Variants in TRIP12 observed in about 807,000 individuals in gnomAD.
TRIP12 encodes thyroid hormone receptor interactor 12.
In TRIP12, 25 loss-of-function variants were observed where a neutral mutation model predicts 244.2. The observed-to-expected ratio is 0.10, with a 90% CI of 0.07 to 0.14. The LOEUF is 0.14. Among genes scored for constraint, TRIP12 ranks in the 10% least tolerant of loss-of-function variants. The probability of loss-of-function intolerance (pLI) is 1.00; values close to 1 mark genes in which losing one functional copy is unlikely to be tolerated. For synonymous variants in TRIP12, 905 were observed against 873.1 expected, an observed-to-expected ratio of 1.04 and a Z score of -0.64; for missense variants, 1,677 against 2,486.4, an observed-to-expected ratio of 0.67 and a Z score of 6.92.
intron 33 of TRIP12, among the ~76,000 whole-genome samples, chr2:229,786,549 C>T (rs2040080613): frequency 6.7e-6 from 1 of 149,748 alleles, no homozygotes; most frequent in Non-Finnish European, 1.5e-5. Flanking sequence ...AGGCATGCGC[C>T]ACCACGCCCA....
intron 28 of TRIP12, 39 bp from the exon 29 acceptor site, chr2:229,792,104 C>T: frequency 6.2e-7 from 1 of 1,613,882 alleles, no homozygotes; most frequent in Admixed American, 1.7e-5. Flanking sequence ...AGCCAAAGGC[C>T]CTGAACTTTA....
intron 1 of TRIP12, among the ~76,000 whole-genome samples, chr2:229,894,714 T>C (rs1429944030): frequency 6.6e-6 from 1 of 152,236 alleles, no homozygotes; most frequent in African/African-American, 2.4e-5. Flanking sequence ...CAAGAAACTT[T>C]AAGCCAAGGA....
chr2:229,793,262 C>G (rs1405161293), intron 26 of TRIP12, 117 bp from the exon 27 acceptor site: 3 of 987,980 alleles, frequency 3.0e-6, no homozygotes, highest in Middle Eastern at 6.7e-4. Flanking sequence ...TAGTACTAAG[C>G]ATTTACTTAC....
intron 34 of TRIP12, among the ~76,000 whole-genome samples, chr2:229,779,359 C>T (rs373055372): frequency 4.6e-5 from 7 of 152,196 alleles, no homozygotes; most frequent in East Asian, 3.9e-4. Context: ...TCAAATGTCA[C>T]CCTCTCAAGG....
chr2:229,797,865 A>C, intron 23 of TRIP12, 34 bp from the exon 24 acceptor site: 1 of 1,603,430 alleles, frequency 6.2e-7, no homozygotes, highest in South Asian at 1.1e-5. Flanking sequence ...TTAAAGTCCC[A>C]GTGTATGTAG....
chr2:229,810,848 T>C (rs764421488), intron 15 of TRIP12, 32 bp downstream of exon 15: 1 of 1,602,710 alleles, frequency 6.2e-7, no homozygotes, highest in Non-Finnish European at 8.5e-7. Context: ...CAACTTTTCC[T>C]GCTTAAAGTA....
intron 39 of TRIP12, among the ~76,000 whole-genome samples, chr2:229,770,777 A>C (rs911173433): frequency 6.6e-6 from 1 of 152,154 alleles, no homozygotes; most frequent in African/African-American, 2.4e-5. Flanking sequence ...GGCTATTCTC[A>C]TAATAGTGAA....
intron 6 of TRIP12, among the ~76,000 whole-genome samples, chr2:229,831,824 T>C (rs867012959): frequency 6.6e-6 from 1 of 151,400 alleles, no homozygotes; most frequent in African/African-American, 2.4e-5. Flanking sequence ...CCTGCAAAAC[T>C]AGCAGTTAAT....
chr2:229,768,854 C>CTTAAA lies in TRIP12; in HGVS notation c.5904-140_5904-136dup, dbSNP rs1228982478. The CTTAAA allele has an allele frequency of 1.4e-5, 10 of 728,010 alleles. No homozygotes were observed. In the South Asian group the frequency reaches 2.1e-4, roughly 15 times the overall value. The allele number at this position is 728,010 out of a possible 1,614,324, so 45.1% of individuals were successfully genotyped here. ...CACATACATTTTCCATTACAATGTA[C>CTTAAA]TTAAATTCGTTTCTGTTATGACTAG... On this transcript the variant is annotated intron_variant, in intron 40 of 41. Coordinates refer to ENST00000675903, the MANE Select transcript of TRIP12 (RefSeq NM_001348323.3).
At chr2:229,775,637 T>C (rs116763794) in intron 37 of TRIP12, among the ~76,000 whole-genome samples, 2,757 of 151,074 alleles carry the variant, frequency 0.018, 88 homozygotes, top group African/African-American at 0.064. Context: ...TTAGTTTCTC[T>C]AGATTTTATA....
chr2:229,871,189 G>A (rs1040769923), intron 2 of TRIP12, among the ~76,000 whole-genome samples: 3 of 145,326 alleles, frequency 2.1e-5, no homozygotes, highest in Non-Finnish European at 3.0e-5. Flanking sequence ...GAAGAGAGGG[G>A]AGGAGAGGGG....
intron 17 of TRIP12, 50 bp downstream of exon 17, chr2:229,807,658 C>A (rs1192693947): frequency 6.2e-7 from 1 of 1,609,178 alleles, no homozygotes; most frequent in African/African-American, 1.3e-5. Flanking sequence ...ATCCCTACAC[C>A]CACTCTCCAA....
intron 1 of TRIP12, among the ~76,000 whole-genome samples, chr2:229,886,225 G>A (rs905066200): frequency 6.6e-6 from 1 of 152,164 alleles, no homozygotes; most frequent in Non-Finnish European, 1.5e-5. Flanking sequence ...TGAAATAGCT[G>A]TATCTGATAT....
intron 1 of TRIP12, among the ~76,000 whole-genome samples, chr2:229,913,254 T>G (rs982343861): frequency 2.0e-5 from 3 of 152,352 alleles, no homozygotes; most frequent in Non-Finnish European, 2.9e-5. Flanking sequence ...ATTTTCTAAA[T>G]GCAGAAAATC....
chr2:229,894,102 C>T (rs1004893887), intron 1 of TRIP12, among the ~76,000 whole-genome samples: 2 of 152,070 alleles, frequency 1.3e-5, no homozygotes, highest in Non-Finnish European at 1.5e-5. Flanking sequence ...CTGCAGCGAG[C>T]TGAGATGGCA....
intron 21 of TRIP12, 125 bp from the exon 22 acceptor site, chr2:229,799,508 G>A: frequency 1.2e-6 from 1 of 804,344 alleles, no homozygotes; most frequent in East Asian, 2.7e-5. Flanking sequence ...CGGGCGCGGT[G>A]GCTCACGCCT....
chr2:229,892,346 G>A (rs1348662797), intron 1 of TRIP12, among the ~76,000 whole-genome samples: 1 of 152,050 alleles, frequency 6.6e-6, no homozygotes, highest in Admixed American at 6.5e-5. Flanking sequence ...ATATGTGTAG[G>A]AAAAAAGTCT....
intron 23 of TRIP12, among the ~76,000 whole-genome samples, chr2:229,798,293 A>C (rs948331880): frequency 6.6e-6 from 1 of 152,194 alleles, no homozygotes; most frequent in Non-Finnish European, 1.5e-5. Flanking sequence ...AAATCCATTC[A>C]CTTAATTATT....
intron 4 of TRIP12, among the ~76,000 whole-genome samples, chr2:229,857,200 A>G (rs552076530): frequency 6.6e-6 from 1 of 152,358 alleles, no homozygotes; most frequent in Admixed American, 6.5e-5. Context: ...CCAAATGTAG[A>G]TCTAAAATCC....
Sources: gnomAD v4.1 joint callset for allele counts (sites outside exome capture counted in the v4.1 genomes callset) on GRCh38, gnomAD v4.1.1 for gene constraint, MANE v1.5 for transcripts, NCBI Gene and HGNC (gene_info 2026-07-23, HGNC 2026-07-21) for gene names.